Variants in DHX29 observed in about 807,000 individuals in gnomAD.
DHX29 encodes the protein ATP-dependent RNA helicase DHX29.
DHX29 carries 79 observed loss-of-function variants against 167.9 expected under a neutral mutation model. That is an observed-to-expected ratio of 0.47 (90% CI 0.39 to 0.57). The LOEUF is 0.57. DHX29 is among the 20% of genes least tolerant of loss of function. The pLI is 0.00. For missense variants in DHX29, 1,347 were observed against 1,593.4 expected (o/e 0.85, Z 2.63); for synonymous variants, 530 against 546.0 (o/e 0.97, Z 0.41).
At chr5:55,301,669 CG>C (rs1490900856) in intron 1 of DHX29, among the ~76,000 whole-genome samples, 1 of 139,526 alleles carries the variant, frequency 7.2e-6, no homozygotes, top group East Asian at 2.2e-4. Context: ...GCCGAGATTT[CG>C]CCATTGCACT....
chr5:55,269,685 C>A (rs1746755982), intron 20 of DHX29, 48 bp from the exon 21 acceptor site: 2 of 1,477,610 alleles, frequency 1.4e-6, no homozygotes, highest in Non-Finnish European at 1.9e-6. Flanking sequence ...AAAGAATGAA[C>A]ACTACCCAAT....
At chr5:55,270,815 A>AT (rs1045663109) in intron 18 of DHX29, 109 bp from the exon 19 acceptor site, 2 of 768,994 alleles carry the variant, frequency 2.6e-6, no homozygotes, top group African/African-American at 3.5e-5. Context: ...TAAAAAATCC[A>AT]TTATTGTGGA....
intron 10 of DHX29, among the ~76,000 whole-genome samples, chr5:55,284,367 A>C (rs1747606619): frequency 6.6e-6 from 1 of 152,232 alleles, no homozygotes; most frequent in Non-Finnish European, 1.5e-5. Context: ...TAAATTAACT[A>C]TACTGGATAG....
At chr5:55,261,161 A>C (rs1400407145) in intron 25 of DHX29, among the ~76,000 whole-genome samples, 1 of 152,192 alleles carries the variant, frequency 6.6e-6, no homozygotes, top group African/African-American at 2.4e-5. Flanking sequence ...ATTGTTATTA[A>C]TAATAAATAG....
intron 18 of DHX29, among the ~76,000 whole-genome samples, chr5:55,271,685 G>A (rs1282328612): frequency 6.6e-6 from 1 of 152,174 alleles, no homozygotes; most frequent in Admixed American, 6.5e-5. Context: ...AAACTGATTA[G>A]AGAGGTTATA....
chr5:55,285,875 C>A lies in DHX29; in HGVS notation c.1067-14G>T. On this transcript the variant is annotated splice_polypyrimidine_tract_variant and intron_variant, in intron 8 of 26. Transcript: ENST00000251636. Reference sequence around the variant, plus strand: ...CTTTCTTTTTATCTAAAATGGTAAACAAAGATTGGTTCTTTAAAAATGGTC... The same window carrying A: ...CTTTCTTTTTATCTAAAATGGTAAAAAAAGATTGGTTCTTTAAAAATGGTC... 1.3e-6 allele frequency: 2 copies of A among 1,535,872 alleles called. No individual in the cohort carries two copies. The highest frequency in any genetic ancestry group is 1.8e-6 in the Non-Finnish European group (2 of 1,133,018).
In DHX29 at chr5:55,273,299, G is replaced by T. The variant is rs762651509; in HGVS notation, c.2769C>A (p.Val923=). 6.3e-7 allele frequency: 1 copy of T among 1,592,556 alleles called. No homozygotes were observed. Among genetic ancestry groups the T allele is most frequent in the African/African-American group, 1.3e-5 (1 of 74,476 alleles). The change falls in exon 17 of 27, where the codon GTC becomes GTA. Residue 923 remains valine (V), a synonymous_variant. Transcript: ENST00000251636. The part of the protein sequence containing the change: ...AAAFTLPPPG[V]RKIVLATNIA... ...TTGCTGTACTAAATTTTACCTTCCT[G>T]ACTCCTGGAGGGGGAAGTGTGAATG...
intron 12 of DHX29, among the ~76,000 whole-genome samples, chr5:55,279,130 C>T (rs1465234973): frequency 1.3e-5 from 2 of 152,150 alleles, no homozygotes; most frequent in Non-Finnish European, 2.9e-5. Flanking sequence ...AAGAAATAAT[C>T]GTGGCCTCTC....
intron 1 of DHX29, 72 bp downstream of exon 1, chr5:55,307,315 C>G (rs1012030320): frequency 1.5e-6 from 2 of 1,362,456 alleles, no homozygotes; most frequent in African/African-American, 2.9e-5. Context: ...CTCCCGGGTT[C>G]TAAGGCCCTT....
intron 6 of DHX29, among the ~76,000 whole-genome samples, chr5:55,290,830 C>T (rs776665136): frequency 6.6e-6 from 1 of 152,146 alleles, no homozygotes; most frequent in Non-Finnish European, 1.5e-5. Context: ...GCCTGGCCAA[C>T]ATGGTAAAAC....
chr5:55,264,512 C>G (rs1746461682), intron 23 of DHX29, among the ~76,000 whole-genome samples: 1 of 152,146 alleles, frequency 6.6e-6, no homozygotes, highest in African/African-American at 2.4e-5. Flanking sequence ...GGAAACATGA[C>G]TGATTCCAAG....
chr5:55,284,208 T>C (rs768154070), intron 10 of DHX29, among the ~76,000 whole-genome samples: 2 of 152,194 alleles, frequency 1.3e-5, no homozygotes, highest in East Asian at 1.9e-4. Context: ...GGTTAAGATA[T>C]GTGAGGTGCT....
chr5:55,301,508 G>C (rs1405269238), intron 1 of DHX29, among the ~76,000 whole-genome samples: 14 of 152,078 alleles, frequency 9.2e-5, no homozygotes, highest in African/African-American at 3.4e-4. Context: ...GAGGTCAGGA[G>C]TTCAAGACCA....
At chr5:55,300,350 G>C (rs1161878666) in intron 1 of DHX29, among the ~76,000 whole-genome samples, 1 of 151,104 alleles carries the variant, frequency 6.6e-6, no homozygotes, top group African/African-American at 2.4e-5. Flanking sequence ...ACTCCAGCCT[G>C]GGCAACAGAG....
chr5:55,270,073 A>T (rs559137264), intron 20 of DHX29, among the ~76,000 whole-genome samples: 1 of 152,212 alleles, frequency 6.6e-6, no homozygotes, highest in East Asian at 1.9e-4. Flanking sequence ...GGAGTATCCC[A>T]GATCTCTACC....
intron 20 of DHX29, 123 bp downstream of exon 20, chr5:55,270,289 A>T: frequency 9.4e-7 from 1 of 1,064,688 alleles, no homozygotes; most frequent in Non-Finnish European, 1.3e-6. Context: ...ATAAGGGCAT[A>T]TATTAAAGAA....
chr5:55,261,269 A>G, intron 25 of DHX29, 99 bp downstream of exon 25: 2 of 589,006 alleles, frequency 3.4e-6, no homozygotes, highest in Non-Finnish European at 5.9e-6. Context: ...CATATTAAGA[A>G]GAAATTATGC....
At chr5:55,266,756 C>T (rs968033227) in intron 23 of DHX29, among the ~76,000 whole-genome samples, 5 of 151,988 alleles carry the variant, frequency 3.3e-5, no homozygotes, top group African/African-American at 1.2e-4. Context: ...GCTGGGACTA[C>T]AGGCGTGTGC....
chr5:55,274,353 C>T (rs1747000097), intron 16 of DHX29, among the ~76,000 whole-genome samples: 1 of 151,832 alleles, frequency 6.6e-6, no homozygotes, highest in African/African-American at 2.4e-5. Context: ...GCAATCGTGC[C>T]ACTACACTCC....
Sources: gnomAD v4.1 joint callset for allele counts (sites outside exome capture counted in the v4.1 genomes callset) on GRCh38, gnomAD v4.1.1 for gene constraint, MANE v1.5 for transcripts, NCBI Gene and HGNC (gene_info 2026-07-23, HGNC 2026-07-21) for gene names.